The following PLCB4 variants were observed in gnomAD, a reference collection of about 807,000 sequenced individuals.
PLCB4 encodes 1-phosphatidylinositol 4,5-bisphosphate phosphodiesterase beta-4.
PLCB4 carries 77 observed loss-of-function variants against 178.8 expected under a neutral mutation model. The ratio of observed to expected loss-of-function variants is 0.43; its 90% CI spans 0.36 to 0.52. PLCB4 has a LOEUF of 0.52. Among genes scored for constraint, PLCB4 ranks in the 20% least tolerant of loss-of-function variants. The probability of loss-of-function intolerance (pLI) is 0.00; values close to 1 mark genes in which losing one functional copy is unlikely to be tolerated. For synonymous variants in PLCB4, 496 were observed against 490.8 expected, an observed-to-expected ratio of 1.01 and a Z score of -0.14; for missense variants, 1,024 against 1,453.4, an observed-to-expected ratio of 0.70 and a Z score of 4.80.
At chr20:9,356,368 T>C (rs2034823524) in intron 7 of PLCB4, among the ~76,000 whole-genome samples, 1 of 152,228 alleles carries the variant, frequency 6.6e-6, no homozygotes, top group Non-Finnish European at 1.5e-5. Flanking sequence ...TGGTGATTTA[T>C]CTACAGTCCC....
intron 28 of PLCB4, among the ~76,000 whole-genome samples, chr20:9,434,725 A>AG (rs995525925): frequency 6.6e-6 from 1 of 152,060 alleles, no homozygotes; most frequent in African/African-American, 2.4e-5. Flanking sequence ...AGAAAAAAAA[A>AG]TTGAAACCTA....
chr20:9,284,634 G>T (rs1328538642), intron 3 of PLCB4, among the ~76,000 whole-genome samples: 4 of 151,860 alleles, frequency 2.6e-5, no homozygotes, highest in African/African-American at 9.7e-5. Context: ...GGTCCCCCCT[G>T]TGAAAAATCT....
chr20:9,437,228 G>A, intron 30 of PLCB4, 76 bp downstream of exon 30: 4 of 1,301,038 alleles, frequency 3.1e-6, no homozygotes, highest in Admixed American at 2.4e-5. Flanking sequence ...ATAGCTTTAG[G>A]AAATATATAA....
chr20:9,253,377 C>T (rs932410870), intron 3 of PLCB4, among the ~76,000 whole-genome samples: 3 of 152,266 alleles, frequency 2.0e-5, no homozygotes, highest in Middle Eastern at 3.4e-3. Context: ...TCACCTTCCT[C>T]GTTCTCCAGG....
At chr20:9,469,101 C>T (rs1372321664) in intron 36 of PLCB4, among the ~76,000 whole-genome samples, 2 of 152,082 alleles carry the variant, frequency 1.3e-5, no homozygotes, top group Non-Finnish European at 2.9e-5. Context: ...CTGCCTGAGC[C>T]TCCCTAGTAG....
At chr20:9,362,142 G>A (rs770454762) in intron 7 of PLCB4, among the ~76,000 whole-genome samples, 6 of 152,184 alleles carry the variant, frequency 3.9e-5, no homozygotes, top group Non-Finnish European at 5.9e-5. Flanking sequence ...GTTTTGCCGA[G>A]GGTATGATTC....
intron 25 of PLCB4, among the ~76,000 whole-genome samples, chr20:9,413,438 T>C (rs529781415): frequency 7.2e-4 from 109 of 152,016 alleles, no homozygotes; most frequent in African/African-American, 2.6e-3. Flanking sequence ...GGCGGGCAGA[T>C]CACAAGGTTA....
chr20:9,413,156 C>T (rs760617814), intron 25 of PLCB4, among the ~76,000 whole-genome samples: 1 of 152,190 alleles, frequency 6.6e-6, no homozygotes, highest in Non-Finnish European at 1.5e-5. Context: ...ACCCGTCGGG[C>T]ATGGCTGTGC....
intron 7 of PLCB4, among the ~76,000 whole-genome samples, chr20:9,343,047 TGGCTGGGAGA>T (rs750200199): frequency 2.6e-5 from 4 of 152,186 alleles, no homozygotes; most frequent in Non-Finnish European, 4.4e-5. Flanking sequence ...AGTGGCTTGC[TGGCTGGGAGA>T]GTCCAGCACT....
At chr20:9,106,235 G>A (rs192658684) in intron 2 of PLCB4, among the ~76,000 whole-genome samples, 2 of 151,772 alleles carry the variant, frequency 1.3e-5, no homozygotes, top group East Asian at 1.9e-4. Context: ...ACCAACAGTG[G>A]TATATTATTA....
At chr20:9,275,089 G>A (rs986944831) in intron 3 of PLCB4, among the ~76,000 whole-genome samples, 3 of 152,090 alleles carry the variant, frequency 2.0e-5, no homozygotes, top group Admixed American at 6.6e-5. Flanking sequence ...GTATTAGCCC[G>A]TTTTCATGCT....
intron 4 of PLCB4, among the ~76,000 whole-genome samples, chr20:9,313,824 A>C (rs2094866329): frequency 6.6e-6 from 1 of 152,208 alleles, no homozygotes; most frequent in South Asian, 2.1e-4. Context: ...CTAGGCTTTC[A>C]GCATGTGGCC....
intron 3 of PLCB4, among the ~76,000 whole-genome samples, chr20:9,242,477 A>T (rs1344648513): frequency 6.6e-6 from 1 of 152,376 alleles, no homozygotes; most frequent in South Asian, 2.1e-4. Context: ...GTGATAATTC[A>T]TGTGAGCAAT....
chr20:9,116,503 T>G lies in PLCB4; in HGVS notation c.-79+20161T>G, dbSNP rs535162938. 2.4e-3 allele frequency among the ~76,000 whole-genome samples: 372 copies of G among 152,288 alleles called. 1 individual carries two copies. Among genetic ancestry groups the G allele is most frequent in the Non-Finnish European group, 2.8e-3 (189 of 68,032 alleles). On this transcript the variant is annotated intron_variant, in intron 2 of 39. Transcript: ENST00000378473. The stretch of plus-strand genomic sequence containing the variant: ...TGCCTCACCTATCCTTATATCAGTA[T>G]CACAGAGCTAAGACTAGGATGAGGC...
chr20:9,114,363 A>G (rs981342295), intron 2 of PLCB4, among the ~76,000 whole-genome samples: 1 of 152,032 alleles, frequency 6.6e-6, no homozygotes, highest in African/African-American at 2.4e-5. Flanking sequence ...GGCAATGTTG[A>G]GTTAAGCTGG....
chr20:9,235,969 A>T (rs1003865529), intron 3 of PLCB4, among the ~76,000 whole-genome samples: 21 of 152,152 alleles, frequency 1.4e-4, no homozygotes, highest in African/African-American at 5.1e-4. Flanking sequence ...TTTGTTTATA[A>T]GAGTTGTGCA....
chr20:9,461,545 C>A (rs1247821431), intron 35 of PLCB4, among the ~76,000 whole-genome samples: 1 of 152,226 alleles, frequency 6.6e-6, no homozygotes, highest in Non-Finnish European at 1.5e-5. Context: ...AAACAGGACA[C>A]TTCTGCCCAA....
intron 2 of PLCB4, among the ~76,000 whole-genome samples, chr20:9,155,829 T>C (rs1016964172): frequency 2.0e-5 from 3 of 152,158 alleles, no homozygotes; most frequent in Non-Finnish European, 4.4e-5. Flanking sequence ...GGCATAAACA[T>C]AACCTCATAG....
intron 36 of PLCB4, among the ~76,000 whole-genome samples, chr20:9,471,246 G>T (rs963055015): frequency 1.3e-5 from 2 of 151,272 alleles, no homozygotes; most frequent in Non-Finnish European, 2.9e-5. Flanking sequence ...ATATGAAGTT[G>T]GAAAAACAGA....
Sources: allele counts gnomAD v4.1 joint callset (sites outside exome capture counted in the v4.1 genomes callset), GRCh38; gene constraint gnomAD v4.1.1; transcripts MANE v1.5; gene names NCBI Gene and HGNC (gene_info 2026-07-23, HGNC 2026-07-21).